Variants in BAIAP2L1 observed in about 807,000 individuals in gnomAD.
BAIAP2L1 encodes BAR/IMD domain-containing adapter protein 2-like 1.
Under a neutral mutation model 66.3 loss-of-function variants are expected in BAIAP2L1, and 35 were observed. The observed-to-expected ratio is 0.53, with a 90% CI of 0.40 to 0.70. BAIAP2L1 has a LOEUF of 0.70. Ranked by LOEUF, BAIAP2L1 falls within the 30% of genes least tolerant of loss-of-function variation. The pLI, the probability that BAIAP2L1 is intolerant of heterozygous loss-of-function variation, is 0.00. For missense variants in BAIAP2L1, 622 were observed against 656.9 expected (o/e 0.95, Z 0.58); for synonymous variants, 269 against 248.7 (o/e 1.08, Z -0.77).
chr7:98,292,595 G>A lies in BAIAP2L1; in HGVS notation c.*926C>T, dbSNP rs752616690. On this transcript the variant is annotated 3_prime_UTR_variant, in exon 14 of 14. Transcript: ENST00000005260. The stretch of plus-strand genomic sequence containing the variant: ...CATCCATACCATAGGGCCAGGTTCC[G>A]AGGGCATCATGGCTGCTAGGCTGAA... 31 of 1,539,182 alleles carry A rather than the reference G, an allele frequency of 2.0e-5. No homozygotes were observed. Among genetic ancestry groups the A allele is most frequent in the African/African-American group, 5.5e-5 (4 of 72,736 alleles).
At chr7:98,340,610 T>C (rs984263728) in intron 3 of BAIAP2L1, among the ~76,000 whole-genome samples, 7 of 152,170 alleles carry the variant, frequency 4.6e-5, no homozygotes, top group South Asian at 2.1e-4. Context: ...TTACTAATTA[T>C]AGTACATTGA....
At chr7:98,325,183 G>C (rs1801350216) in intron 3 of BAIAP2L1, among the ~76,000 whole-genome samples, 1 of 152,048 alleles carries the variant, frequency 6.6e-6, no homozygotes, top group South Asian at 2.1e-4. Flanking sequence ...AGGAGTTCGA[G>C]ACCAGCCTGG....
chr7:98,376,658 A>C (rs1033143562), intron 1 of BAIAP2L1, among the ~76,000 whole-genome samples: 10 of 47,550 alleles, frequency 2.1e-4, no homozygotes, highest in African/African-American at 6.0e-4. Context: ...CCATCTTTAC[A>C]AAAAAAAAAA....
chr7:98,294,681 A>G (rs1476715843), intron 12 of BAIAP2L1, among the ~76,000 whole-genome samples: 1 of 152,234 alleles, frequency 6.6e-6, no homozygotes, highest in Non-Finnish European at 1.5e-5. Context: ...CGCAGAATCT[A>G]GTGACTGGGA....
At position 98,292,307 on chromosome 7, in the gene BAIAP2L1, TGC is replaced by T; in HGVS notation, c.*1212_*1213del. On this transcript the variant is annotated 3_prime_UTR_variant, in exon 14 of 14. Coordinates refer to ENST00000005260, the MANE Select transcript of BAIAP2L1 (RefSeq NM_018842.5). The stretch of plus-strand genomic sequence containing the variant: ...GCATGATCTGGCTCACTGCAACCTC[TGC>T]CTCCCGGGTTCAAGTGATTCTCCTG... 1 of 332,826 alleles carries T rather than the reference TGC, an allele frequency of 3.0e-6. No individual in the cohort carries two copies. The allele number at this position is 332,826 out of a possible 1,614,324, so 20.6% of individuals were successfully genotyped here. A position where few individuals can be genotyped will look rare whatever the true frequency, so the allele number is the denominator to read the frequency against.
rs1222040040 is a variant in BAIAP2L1, at chr7:98,370,069, TAC to T, written c.52-7639_52-7638del. On this transcript the variant is annotated intron_variant, in intron 1 of 13. Transcript: ENST00000005260. ...ATGAGAACTTCCACAGTTAACACCA[TAC>T]ACAAATCCCTATCCAAATGATTCTA... Among the ~76,000 whole-genome samples the T allele has an allele frequency of 5.9e-5, 9 of 151,882 alleles. No homozygotes were observed. The South Asian group carries it at 1.9e-3, about 32-fold the overall frequency.
chr7:98,385,106 A>G (rs1192162014), intron 1 of BAIAP2L1, among the ~76,000 whole-genome samples: 2 of 152,014 alleles, frequency 1.3e-5, no homozygotes, highest in African/African-American at 4.8e-5. Flanking sequence ...CCAGGAATTC[A>G]AGACCAGCCT....
At chr7:98,372,044 T>C (rs1468711239) in intron 1 of BAIAP2L1, among the ~76,000 whole-genome samples, 6 of 151,900 alleles carry the variant, frequency 3.9e-5, no homozygotes, top group African/African-American at 1.4e-4. Flanking sequence ...TCCACCTGCC[T>C]CCGCCTCCCA....
intron 12 of BAIAP2L1, among the ~76,000 whole-genome samples, chr7:98,300,499 C>A (rs1243676625): frequency 6.6e-6 from 1 of 152,226 alleles, no homozygotes; most frequent in Non-Finnish European, 1.5e-5. Context: ...CGCGCCATGT[C>A]TTATCAGGAA....
At chr7:98,300,154 G>A (rs983400141) in intron 12 of BAIAP2L1, among the ~76,000 whole-genome samples, 2 of 152,220 alleles carry the variant, frequency 1.3e-5, no homozygotes, top group Admixed American at 1.3e-4. Context: ...GGACTGGGCA[G>A]GGAACATTTC....
chr7:98,295,167 G>C (rs1047103799), intron 12 of BAIAP2L1, among the ~76,000 whole-genome samples: 2 of 152,216 alleles, frequency 1.3e-5, no homozygotes, highest in African/African-American at 4.8e-5. Context: ...CTAGAGCGCA[G>C]GCCGTTCCTG....
intron 1 of BAIAP2L1, chr7:98,400,160 A>AC (rs1252038773): frequency 6.7e-6 from 1 of 148,880 alleles, no homozygotes; most frequent in East Asian, 2.0e-4. Flanking sequence ...CGCACAACAG[A>AC]CCCCTCCCCA....
intron 1 of BAIAP2L1, among the ~76,000 whole-genome samples, chr7:98,363,707 C>T (rs1324085187): frequency 6.6e-6 from 1 of 152,122 alleles, no homozygotes; most frequent in African/African-American, 2.4e-5. Flanking sequence ...TGATATTAAT[C>T]ACCCCAAAGA....
chr7:98,358,355 T>G (rs1034334999), intron 2 of BAIAP2L1, among the ~76,000 whole-genome samples: 1 of 151,524 alleles, frequency 6.6e-6, no homozygotes, highest in Admixed American at 6.6e-5. Flanking sequence ...GCATATTAGT[T>G]TTTTGTTTTT....
intron 3 of BAIAP2L1, among the ~76,000 whole-genome samples, chr7:98,329,283 A>G (rs1264904445): frequency 6.6e-6 from 1 of 152,212 alleles, no homozygotes; most frequent in African/African-American, 2.4e-5. Context: ...TGAAAACCAG[A>G]CGGACAGGCT....
intron 3 of BAIAP2L1, among the ~76,000 whole-genome samples, chr7:98,348,525 C>A (rs533208677): frequency 1.3e-5 from 2 of 149,804 alleles, no homozygotes; most frequent in East Asian, 3.9e-4. Flanking sequence ...CGAGATTGCA[C>A]CACTGCACTT....
rs888901258 is a variant in BAIAP2L1 at position 98,367,754 on chromosome 7, G to A, written c.52-5322C>T. ...TTTCACTGTTAGCCAGGATGGTCTC[G>A]ATTTCCTGACCTTGTGATCCACTGC... is the stretch of plus-strand genomic sequence containing the variant. On this transcript the variant is annotated intron_variant, in intron 1 of 13. Transcript: ENST00000005260. 1.3e-5 allele frequency among the ~76,000 whole-genome samples: 2 copies of A among 151,806 alleles called. 1 individual carries two copies. Among genetic ancestry groups the A allele is most frequent in the South Asian group, 4.2e-4 (2 of 4,806 alleles).
chr7:98,361,787 G>A (rs1387578034), intron 2 of BAIAP2L1, among the ~76,000 whole-genome samples: 1 of 151,896 alleles, frequency 6.6e-6, no homozygotes, highest in African/African-American at 2.4e-5. Flanking sequence ...TCAGGCTGGG[G>A]TGCAGTGGCA....
At chr7:98,347,414 T>C (rs975425096) in intron 3 of BAIAP2L1, among the ~76,000 whole-genome samples, 2 of 152,196 alleles carry the variant, frequency 1.3e-5, no homozygotes, top group South Asian at 2.1e-4. Context: ...TGCACATTTT[T>C]ATGATGCCAT....
Sources: allele counts gnomAD v4.1 joint callset (sites outside exome capture counted in the v4.1 genomes callset), GRCh38; gene constraint gnomAD v4.1.1; transcripts MANE v1.5; gene names NCBI Gene and HGNC (gene_info 2026-07-23, HGNC 2026-07-21).